MAOB: variants seen among roughly 807,000 people sequenced by gnomAD.
The protein encoded by MAOB is monoamine oxidase B, also known as amine oxidase [flavin-containing] B.
MAOB carries 15 observed loss-of-function variants against 41.9 expected under a neutral mutation model. The ratio of observed to expected loss-of-function variants is 0.36; its 90% CI spans 0.24 to 0.55. The LOEUF is 0.55. Among genes scored for constraint, MAOB ranks in the 20% least tolerant of loss-of-function variants. MAOB has a pLI of 0.86. For synonymous variants in MAOB, 167 were observed against 144.2 expected (o/e 1.16, Z -1.13); for missense variants, 345 against 398.7 (o/e 0.87, Z 1.15).
At chrX:43,858,187 G>T (rs1447642142) in intron 1 of MAOB, among the ~76,000 whole-genome samples, 1 of 111,491 alleles carries the variant, frequency 9.0e-6, no homozygotes, top group Non-Finnish European at 1.9e-5. Context: ...TATTTACAAT[G>T]TAGGGCTCAT....
intron 1 of MAOB, among the ~76,000 whole-genome samples, chrX:43,848,170 C>T (rs1337825069): frequency 9.0e-6 from 1 of 111,409 alleles, no homozygotes; most frequent in Non-Finnish European, 1.9e-5. Flanking sequence ...GTGGCAGTAA[C>T]ACAGAAGTGC....
At chrX:43,845,440 T>C (rs1257885657) in intron 1 of MAOB, among the ~76,000 whole-genome samples, 2 of 112,606 alleles carry the variant, frequency 1.8e-5, no homozygotes, top group Non-Finnish European at 3.7e-5. Flanking sequence ...CTAAGTGTTT[T>C]AATAAATTAA....
rs746209846 is a variant in MAOB at position 43,795,854 on chromosome X, C to G, written c.653G>C (p.Ser218Thr). 4 of 1,207,893 alleles carry G rather than the reference C, an allele frequency of 3.3e-6. 1 individual carries two copies. In the East Asian group the frequency reaches 1.2e-4, roughly 36 times the overall value. The change falls in exon 7 of 15, where the codon AGT becomes ACT. Residue 218 changes from serine to threonine, a missense_variant. By Grantham distance (58) the Ser-to-Thr change is moderately conservative. Coordinates refer to ENST00000378069, the MANE Select transcript of MAOB (RefSeq NM_000898.5). ...RKFVGGSGQVSERIMDLLGDR... is the reference protein window; with the variant it reads ...RKFVGGSGQVTERIMDLLGDR... Reference sequence around the variant, plus strand: ...TCCAAGGAGGTCCATTATCCGCTCACTCACTTGACCAGATCCGCCCACAAA... The same window carrying G: ...TCCAAGGAGGTCCATTATCCGCTCAGTCACTTGACCAGATCCGCCCACAAA...
chrX:43,811,081 G>T (rs2034740822), intron 3 of MAOB, among the ~76,000 whole-genome samples: 1 of 111,991 alleles, frequency 8.9e-6, no homozygotes, highest in Admixed American at 9.5e-5. Flanking sequence ...GAGCCTGTAT[G>T]TTCAGTTAAA....
chrX:43,865,004 G>A (rs1227036794), intron 1 of MAOB, among the ~76,000 whole-genome samples: 1 of 111,706 alleles, frequency 9.0e-6, no homozygotes, highest in African/African-American at 3.3e-5. Flanking sequence ...ATCCTCAAAA[G>A]GTTAAACAAA....
chrX:43,844,985 T>A (rs989177940), intron 1 of MAOB, among the ~76,000 whole-genome samples: 1 of 112,203 alleles, frequency 8.9e-6, no homozygotes, highest in Non-Finnish European at 1.9e-5. Context: ...ACTGGTTCTG[T>A]CTTTCTGGAG....
intron 1 of MAOB, among the ~76,000 whole-genome samples, chrX:43,867,120 A>G (rs757098097): frequency 4.5e-5 from 5 of 112,331 alleles, no homozygotes; most frequent in Non-Finnish European, 7.5e-5. Context: ...GTTCATGTGT[A>G]TGAAAATAAG....
At chrX:43,848,315 C>T (rs781306864) in intron 1 of MAOB, among the ~76,000 whole-genome samples, 15 of 111,649 alleles carry the variant, frequency 1.3e-4, no homozygotes, top group Non-Finnish European at 1.5e-4. Flanking sequence ...TGATATTTAA[C>T]AAAACTTTTT....
intron 1 of MAOB, among the ~76,000 whole-genome samples, chrX:43,859,281 G>A (rs774364473): frequency 9.0e-6 from 1 of 111,342 alleles, no homozygotes. Context: ...TAAACCTGGA[G>A]CAATCTGAGC....
intron 11 of MAOB, among the ~76,000 whole-genome samples, chrX:43,776,448 G>A (rs1340861645): frequency 1.8e-5 from 2 of 111,906 alleles, no homozygotes; most frequent in African/African-American, 3.2e-5. Flanking sequence ...ACCATCTCAC[G>A]AGTTGTTGCA....
chrX:43,795,920 GC>G (rs2034522390), intron 6 of MAOB, 32 bp from the exon 7 acceptor site: 3 of 1,183,972 alleles, frequency 2.5e-6, no homozygotes, highest in Non-Finnish European at 3.4e-6. Context: ...AAAGAGAAAC[GC>G]AGGAATGGGC....
At chrX:43,800,630 A>C (rs2034581318) in intron 5 of MAOB, among the ~76,000 whole-genome samples, 1 of 111,615 alleles carries the variant, frequency 9.0e-6, no homozygotes, top group Admixed American at 9.5e-5. Flanking sequence ...ATAACAAAAA[A>C]CAGAAAGTAA....
At chrX:43,794,194 G>T (rs967250035) in intron 7 of MAOB, among the ~76,000 whole-genome samples, 2 of 111,601 alleles carry the variant, frequency 1.8e-5, no homozygotes, top group Non-Finnish European at 3.8e-5. Flanking sequence ...TGATCACCTT[G>T]CTGTTCCTTG....
chrX:43,800,440 A>G (rs2034578972), intron 5 of MAOB, among the ~76,000 whole-genome samples: 2 of 111,648 alleles, frequency 1.8e-5, no homozygotes, highest in African/African-American at 6.5e-5. Flanking sequence ...TTATATTGCA[A>G]ACTACATTCT....
chrX:43,779,990 A>G (rs2034308987), intron 10 of MAOB, among the ~76,000 whole-genome samples: 1 of 111,419 alleles, frequency 9.0e-6, no homozygotes, highest in South Asian at 3.8e-4. Context: ...TCCCTGGTTT[A>G]TCTCCTTCAC....
intron 1 of MAOB, among the ~76,000 whole-genome samples, chrX:43,876,109 G>A (rs914410884): frequency 2.7e-5 from 3 of 110,779 alleles, no homozygotes; most frequent in African/African-American, 6.6e-5. Flanking sequence ...GGAGGCATGC[G>A]CCACCACGCC....
intron 1 of MAOB, among the ~76,000 whole-genome samples, chrX:43,853,454 C>T (rs761049030): frequency 1.5e-4 from 17 of 110,272 alleles, no homozygotes; most frequent in African/African-American, 5.6e-4. Context: ...GTGCTGCCAC[C>T]TCTGAGGAGC....
At chrX:43,844,399 A>G (rs1441834026) in intron 1 of MAOB, 1 of 112,193 alleles carries the variant, frequency 8.9e-6, no homozygotes, top group Non-Finnish European at 1.9e-5. Flanking sequence ...CCATGAATTT[A>G]GCTCTTAAAA....
chrX:43,833,970 G>A (rs2035045129), intron 3 of MAOB, among the ~76,000 whole-genome samples: 1 of 112,104 alleles, frequency 8.9e-6, no homozygotes, highest in Admixed American at 9.5e-5. Context: ...AACAGCATAA[G>A]CTTTAGAATG....
Sources: allele counts gnomAD v4.1 joint callset (sites outside exome capture counted in the v4.1 genomes callset), GRCh38; gene constraint gnomAD v4.1.1; transcripts MANE v1.5; gene names NCBI Gene and HGNC (gene_info 2026-07-23, HGNC 2026-07-21).